Variants in SYN3 observed in about 807,000 individuals in gnomAD.
The protein encoded by SYN3 is synapsin III, also known as synapsin-3.
A neutral mutation model predicts 65.8 loss-of-function variants in SYN3; 35 were observed. That is an observed-to-expected ratio of 0.53 (90% CI 0.41 to 0.70). The LOEUF (loss-of-function observed/expected upper bound fraction) is 0.70, where lower values mean the gene tolerates loss of function less well. Among genes scored for constraint, SYN3 ranks in the 30% least tolerant of loss-of-function variants. SYN3 has a pLI of 0.00. For missense variants in SYN3, 680 were observed against 749.0 expected (o/e 0.91, Z 1.08); for synonymous variants, 270 against 292.9 (o/e 0.92, Z 0.80).
intron 6 of SYN3, among the ~76,000 whole-genome samples, chr22:32,637,630 C>CTTTT (rs1185407986): frequency 1.8e-3 from 165 of 93,380 alleles, no homozygotes; most frequent in Non-Finnish European, 2.5e-3. Flanking sequence ...TTTTCTTTTT[C>CTTTT]TTTTTTTTTT....
At chr22:32,580,141 G>T (rs1051661493) in intron 7 of SYN3, among the ~76,000 whole-genome samples, 15 of 152,246 alleles carry the variant, frequency 9.9e-5, no homozygotes, top group Admixed American at 3.3e-4. Flanking sequence ...GCCTGGTTGG[G>T]GAGGGAGATG....
intron 3 of SYN3, among the ~76,000 whole-genome samples, chr22:32,951,613 G>C (rs1029621249): frequency 3.9e-5 from 6 of 152,198 alleles, no homozygotes; most frequent in African/African-American, 1.4e-4. Context: ...AGATGTCAAA[G>C]ATAAGACTTA....
chr22:32,651,214 G>A (rs2060065663), intron 6 of SYN3, among the ~76,000 whole-genome samples: 1 of 152,182 alleles, frequency 6.6e-6, no homozygotes, highest in African/African-American at 2.4e-5. Flanking sequence ...ACTGCTCTTG[G>A]TAGGAGACAT....
intron 1 of SYN3, among the ~76,000 whole-genome samples, chr22:33,050,352 G>A (rs1299772269): frequency 1.3e-5 from 2 of 151,926 alleles, no homozygotes; most frequent in African/African-American, 2.4e-5. Flanking sequence ...GCGTGGTGGT[G>A]CACGTCAGTA....
intron 3 of SYN3, among the ~76,000 whole-genome samples, chr22:32,970,475 C>G (rs185174910): frequency 1.4e-5 from 2 of 141,582 alleles, no homozygotes; most frequent in South Asian, 2.4e-4. Context: ...GACCCCGTCT[C>G]TATTTGGAAA....
chr22:32,531,905 C>CT (rs5845007), intron 10 of SYN3, among the ~76,000 whole-genome samples: 85,548 of 115,448 alleles, frequency 0.74, 29,918 homozygotes, highest in East Asian at 0.86. Context: ...ACTACTTTTA[C>CT]TTTTTTTTTT....
intron 6 of SYN3, among the ~76,000 whole-genome samples, chr22:32,830,890 C>T (rs1169072710): frequency 1.3e-5 from 2 of 152,176 alleles, no homozygotes; most frequent in African/African-American, 4.8e-5. Context: ...CCCAGAACAC[C>T]GCGATCTGCT....
At chr22:32,939,099 T>C (rs1194453457) in intron 3 of SYN3, among the ~76,000 whole-genome samples, 2 of 152,174 alleles carry the variant, frequency 1.3e-5, no homozygotes, top group African/African-American at 4.8e-5. Flanking sequence ...ATGGTAAATA[T>C]GTGGATAAAT....
chr22:32,580,476 A>T (rs1330271917), intron 7 of SYN3, among the ~76,000 whole-genome samples: 2 of 152,196 alleles, frequency 1.3e-5, no homozygotes, highest in Non-Finnish European at 1.5e-5. Flanking sequence ...TACTGTGCCT[A>T]AATTTATAAA....
intron 3 of SYN3, among the ~76,000 whole-genome samples, chr22:32,935,907 G>A (rs942746570): frequency 2.0e-4 from 31 of 152,338 alleles, no homozygotes; most frequent in Admixed American, 1.9e-3. Flanking sequence ...CTTTAAAACA[G>A]AGGTAATGAT....
chr22:32,601,389 T>G (rs2059280793), intron 6 of SYN3, among the ~76,000 whole-genome samples: 1 of 152,094 alleles, frequency 6.6e-6, no homozygotes, highest in Non-Finnish European at 1.5e-5. Flanking sequence ...GCCATTCTCC[T>G]GCCTCAGCCT....
intron 6 of SYN3, among the ~76,000 whole-genome samples, chr22:32,630,665 G>A (rs866634236): frequency 4.6e-5 from 7 of 152,168 alleles, no homozygotes; most frequent in African/African-American, 1.2e-4. Context: ...GTTTATATAC[G>A]TGCACAGCTA....
intron 6 of SYN3, among the ~76,000 whole-genome samples, chr22:32,613,079 C>G (rs1168849290): frequency 6.6e-6 from 1 of 152,046 alleles, no homozygotes; most frequent in African/African-American, 2.4e-5. Context: ...GCAAATGTGC[C>G]TGCTTCCCCT....
At chr22:32,587,168 GC>G (rs2059057432) in intron 7 of SYN3, among the ~76,000 whole-genome samples, 1 of 146,200 alleles carries the variant, frequency 6.8e-6, no homozygotes. Flanking sequence ...GTTGCAGTGA[GC>G]CGAGATCACA....
At chr22:33,002,947 A>AC (rs1259292675) in intron 2 of SYN3, among the ~76,000 whole-genome samples, 1 of 152,070 alleles carries the variant, frequency 6.6e-6, no homozygotes, top group Non-Finnish European at 1.5e-5. Flanking sequence ...GGGGGCAGTT[A>AC]CCCCCATGCT....
At chr22:32,670,334 T>C (rs2060343122) in intron 6 of SYN3, among the ~76,000 whole-genome samples, 1 of 152,164 alleles carries the variant, frequency 6.6e-6, no homozygotes, top group African/African-American at 2.4e-5. Flanking sequence ...GAGGAGTGGA[T>C]GCAAAAAAGT....
At chr22:32,822,734 A>T (rs1480890819) in intron 6 of SYN3, among the ~76,000 whole-genome samples, 1 of 152,200 alleles carries the variant, frequency 6.6e-6, no homozygotes, top group Non-Finnish European at 1.5e-5. Context: ...ATCAGAAGTC[A>T]AAGGAGGTGG....
chr22:32,650,247 C>T (rs1490650699), intron 6 of SYN3, among the ~76,000 whole-genome samples: 12 of 107,790 alleles, frequency 1.1e-4, no homozygotes, highest in South Asian at 6.3e-4. Context: ...CCCTCCCTCC[C>T]TCCCTCCCTC....
chr22:32,997,106 A>G (rs1283509345), intron 2 of SYN3, among the ~76,000 whole-genome samples: 4 of 152,204 alleles, frequency 2.6e-5, no homozygotes, highest in South Asian at 2.1e-4. Flanking sequence ...TGCCCAGGCT[A>G]GCCCTTTGGA....
Sources: gnomAD v4.1 joint callset for allele counts (sites outside exome capture counted in the v4.1 genomes callset) on GRCh38, gnomAD v4.1.1 for gene constraint, MANE v1.5 for transcripts, NCBI Gene and HGNC (gene_info 2026-07-23, HGNC 2026-07-21) for gene names.